Variants in SCRN1 observed in about 807,000 individuals in gnomAD.
SCRN1 encodes secernin 1.
A neutral mutation model predicts 43.3 loss-of-function variants in SCRN1; 19 were observed. The ratio of observed to expected loss-of-function variants is 0.44; its 90% CI spans 0.31 to 0.64. The LOEUF is 0.64. Ranked by LOEUF, SCRN1 falls within the 30% of genes least tolerant of loss-of-function variation. The pLI, the probability that SCRN1 is intolerant of heterozygous loss-of-function variation, is 0.09. For missense variants in SCRN1, 447 were observed against 524.1 expected (o/e 0.85, Z 1.44); for synonymous variants, 183 against 188.9 (o/e 0.97, Z 0.26).
chr7:29,933,917 T>C (rs954460378), intron 6 of SCRN1, among the ~76,000 whole-genome samples: 1 of 152,246 alleles, frequency 6.6e-6, no homozygotes, highest in African/African-American at 2.4e-5. Context: ...AGTCTGCTAC[T>C]ATGAAACAAT....
At chr7:29,941,271 A>G (rs1381257075) in intron 4 of SCRN1, among the ~76,000 whole-genome samples, 1 of 152,250 alleles carries the variant, frequency 6.6e-6, no homozygotes, top group Non-Finnish European at 1.5e-5. Flanking sequence ...GGAGTCCTCT[A>G]TAATAGAGAT....
intron 1 of SCRN1, among the ~76,000 whole-genome samples, chr7:29,980,877 A>T (rs949949477): frequency 3.3e-5 from 5 of 152,232 alleles, no homozygotes; most frequent in Admixed American, 6.5e-5. Flanking sequence ...TTATGTAAAT[A>T]TAAGTATAGG....
intron 1 of SCRN1, chr7:29,989,340 G>A (rs1789281187): frequency 6.4e-6 from 1 of 156,446 alleles, no homozygotes; most frequent in Admixed American, 6.5e-5. Context: ...AGGAAACCCA[G>A]GAAGAGCAGC....
chr7:29,961,709 T>G (rs551643315), intron 2 of SCRN1, among the ~76,000 whole-genome samples: 1 of 150,384 alleles, frequency 6.6e-6, no homozygotes, highest in Non-Finnish European at 1.5e-5. Flanking sequence ...GCTCTTCACT[T>G]CCCAGTAGGG....
At chr7:29,934,682 T>C (rs1280747803) in intron 6 of SCRN1, among the ~76,000 whole-genome samples, 1 of 152,202 alleles carries the variant, frequency 6.6e-6, no homozygotes, top group African/African-American at 2.4e-5. Flanking sequence ...GGTATGGCCA[T>C]GGAGCCAAAC....
At chr7:29,972,305 A>T (rs1788690507) in intron 1 of SCRN1, among the ~76,000 whole-genome samples, 1 of 152,202 alleles carries the variant, frequency 6.6e-6, no homozygotes, top group Non-Finnish European at 1.5e-5. Context: ...GGGCCATTTC[A>T]AAAGAGCTAG....
chr7:29,932,298 T>C (rs2128087415), intron 6 of SCRN1, among the ~76,000 whole-genome samples: 2 of 152,280 alleles, frequency 1.3e-5, no homozygotes, highest in Admixed American at 1.3e-4. Flanking sequence ...CCAAGGCTCA[T>C]GATGTTTGCT....
intron 1 of SCRN1, among the ~76,000 whole-genome samples, chr7:29,985,865 TCTC>T (rs1201736125): frequency 6.6e-6 from 1 of 152,208 alleles, no homozygotes; most frequent in African/African-American, 2.4e-5. Context: ...TGTTTTAACT[TCTC>T]CTTACATACC....
chr7:29,962,734 C>T (rs971558582), intron 2 of SCRN1, among the ~76,000 whole-genome samples: 12 of 151,990 alleles, frequency 7.9e-5, no homozygotes, highest in Admixed American at 5.9e-4. Flanking sequence ...CATAAAATGT[C>T]ATGAAATGGC....
At chr7:29,974,293 T>C (rs183181847) in intron 1 of SCRN1, among the ~76,000 whole-genome samples, 1 of 152,360 alleles carries the variant, frequency 6.6e-6, no homozygotes, top group East Asian at 1.9e-4. Flanking sequence ...AATTCTTATA[T>C]GAGTTATAGC....
intron 1 of SCRN1, among the ~76,000 whole-genome samples, chr7:29,988,015 C>A (rs1006676054): frequency 6.6e-6 from 1 of 151,722 alleles, no homozygotes; most frequent in Non-Finnish European, 1.5e-5. Flanking sequence ...TGGCTGGCAG[C>A]ACGGAAGTGA....
chr7:29,984,329 GATAA>G (rs1282270020), intron 1 of SCRN1, among the ~76,000 whole-genome samples: 11 of 151,528 alleles, frequency 7.3e-5, no homozygotes, highest in Non-Finnish European at 1.5e-5. Context: ...AAATCATATG[GATAA>G]ATTTTTTAAA....
chr7:29,982,682 C>CAAA (rs10538004), intron 1 of SCRN1, among the ~76,000 whole-genome samples: 65 of 64,658 alleles, frequency 1.0e-3, no homozygotes, highest in East Asian at 2.3e-3. Context: ...GACCCTGTCT[C>CAAA]AAAAAAAAAA....
At chr7:29,933,138 C>T (rs924559913) in intron 6 of SCRN1, among the ~76,000 whole-genome samples, 7 of 152,152 alleles carry the variant, frequency 4.6e-5, no homozygotes, top group African/African-American at 1.7e-4. Flanking sequence ...CCTTGACCTC[C>T]CAAAGTGCTG....
At chr7:29,934,398 A>T (rs2128087922) in intron 6 of SCRN1, among the ~76,000 whole-genome samples, 1 of 152,316 alleles carries the variant, frequency 6.6e-6, no homozygotes, top group South Asian at 2.1e-4. Context: ...CTGAGACATC[A>T]GGGACAACAG....
rs542108339 is a variant in SCRN1, at chr7:29,959,159, T to C, written c.160-3799A>G. On this transcript the variant is annotated intron_variant, in intron 2 of 7. Transcript: ENST00000242059. ...AGGGGAAACAGAGACACTCACACAA[T>C]AGACGTTTCAATTAATGAAACACAA... is the stretch of plus-strand genomic sequence containing the variant. Among the ~76,000 whole-genome samples, 7 of 152,304 alleles carry C rather than the reference T, an allele frequency of 4.6e-5. No individual in the cohort carries two copies. In the South Asian group the frequency reaches 1.4e-3, roughly 32 times the overall value.
chr7:29,982,027 G>A (rs906533505), intron 1 of SCRN1, among the ~76,000 whole-genome samples: 1 of 152,146 alleles, frequency 6.6e-6, no homozygotes, highest in Non-Finnish European at 1.5e-5. Flanking sequence ...GATATACTCT[G>A]GCATAAAGCA....
In SCRN1 at chr7:29,979,374, G is replaced by GA. The variant is rs891362704; in HGVS notation, c.-2+10267dup. ...TGGGATTCCATCTCAAAAAGAAAAA[G>GA]AAAAAAAAATTCATGAACATTTCCA... On this transcript the variant is annotated intron_variant, in intron 1 of 7. Transcript: ENST00000242059. Among the ~76,000 whole-genome samples the GA allele has an allele frequency of 1.4e-3, 212 of 150,996 alleles. 1 individual carries two copies. Among genetic ancestry groups the GA allele is most frequent in the African/African-American group, 4.5e-3 (187 of 41,200 alleles).
intron 1 of SCRN1, chr7:29,989,332 G>A (rs922557169): frequency 6.4e-6 from 1 of 155,444 alleles, no homozygotes; most frequent in African/African-American, 2.4e-5. Context: ...CCAGGAAAAG[G>A]AAACCCAGGA....
Sources: allele counts gnomAD v4.1 joint callset (sites outside exome capture counted in the v4.1 genomes callset), GRCh38; gene constraint gnomAD v4.1.1; transcripts MANE v1.5; gene names NCBI Gene and HGNC (gene_info 2026-07-23, HGNC 2026-07-21).